PRDM1: variants seen among roughly 807,000 people sequenced by gnomAD.
PRDM1 encodes PR domain zinc finger protein 1.
A neutral mutation model predicts 62.8 loss-of-function variants in PRDM1; 13 were observed. The ratio of observed to expected loss-of-function variants is 0.21; its 90% CI spans 0.13 to 0.33. PRDM1 has a LOEUF of 0.33. Ranked by LOEUF, PRDM1 falls within the 10% of genes least tolerant of loss-of-function variation. The pLI, the probability that PRDM1 is intolerant of heterozygous loss-of-function variation, is 1.00. For synonymous variants in PRDM1, 396 were observed against 417.6 expected (o/e 0.95, Z 0.63); for missense variants, 895 against 1,058.8 (o/e 0.85, Z 2.15).
chr6:106,104,392 G>T (rs2114648800), intron 4 of PRDM1, among the ~76,000 whole-genome samples: 1 of 152,164 alleles, frequency 6.6e-6, no homozygotes, highest in East Asian at 1.9e-4. Flanking sequence ...TGTATTTTTA[G>T]TAGAGATGGG....
chr6:105,998,458 TTCTGTC>T (rs1393618475), intron 1 of PRDM1, among the ~76,000 whole-genome samples: 1 of 152,204 alleles, frequency 6.6e-6, no homozygotes, highest in Non-Finnish European at 1.5e-5. Flanking sequence ...CATTTGACAT[TTCTGTC>T]TCTAACATAA....
upstream of PRDM1, among the ~76,000 whole-genome samples, chr6:106,043,849 T>G (rs1051324254): frequency 1.3e-5 from 2 of 152,224 alleles, no homozygotes; most frequent in African/African-American, 4.8e-5. Flanking sequence ...TTTAATATTT[T>G]TAATCGAATT....
In PRDM1 at chr6:106,106,902, A is replaced by G; in HGVS notation, c.1903-9A>G. 6.2e-7 allele frequency: 1 copy of G among 1,608,360 alleles called. No homozygotes were observed. Among genetic ancestry groups the G allele is most frequent in the Admixed American group, 1.7e-5 (1 of 59,904 alleles). On this transcript the variant is annotated splice_polypyrimidine_tract_variant and intron_variant, in intron 6 of 6. Coordinates refer to ENST00000369096, the MANE Select transcript of PRDM1 (RefSeq NM_001198.4). The surrounding 1 kb of genome is among the most constrained non-coding windows in gnomAD (Gnocchi z 4.4). ...CCCTTCCCTGCTGTCTCTCTCCCCT[A>G]CACTGTAGGTCTGCCACAAGAGATT...
upstream of PRDM1, among the ~76,000 whole-genome samples, chr6:106,081,575 T>C (rs1582455103): frequency 6.6e-6 from 1 of 152,202 alleles, no homozygotes; most frequent in South Asian, 2.1e-4. Context: ...GATTGGATAC[T>C]AAATCCCCTT....
At chr6:106,045,918 TA>T (rs1253716522), upstream of PRDM1, 2 of 152,124 alleles carry the variant, frequency 1.3e-5, no homozygotes, top group Non-Finnish European at 2.9e-5. Context: ...GTTCATGAGA[TA>T]GATGCAGAGC....
intron 1 of PRDM1, among the ~76,000 whole-genome samples, chr6:106,042,018 G>T (rs950935109): frequency 6.6e-6 from 1 of 150,784 alleles, no homozygotes; most frequent in African/African-American, 2.4e-5. Context: ...ATATTTCCCA[G>T]GCTGATCACA....
intron 1 of PRDM1, among the ~76,000 whole-genome samples, chr6:106,021,554 T>C (rs996826751): frequency 1.3e-5 from 2 of 152,240 alleles, no homozygotes; most frequent in Non-Finnish European, 2.9e-5. Context: ...AACATAATGA[T>C]GGCAATGCAG....
chr6:105,994,592 G>C lies in PRDM1; in HGVS notation c.-67+953G>C, dbSNP rs771646812. Among the ~76,000 whole-genome samples the C allele has an allele frequency of 6.6e-6, 1 of 152,188 alleles. No individual in the cohort carries two copies. The highest frequency in any genetic ancestry group is 1.5e-5 in the Non-Finnish European group (1 of 68,024). ...CATTTGGACGAGGTGAGGAGAACTA[G>C]GGTCCTAACAGCAGGTCCAGAGGAC... On this transcript the variant is annotated intron_variant, in intron 1 of 6. Transcript: ENST00000652320. The surrounding 1 kb of genome is among the most constrained non-coding windows in gnomAD (Gnocchi z 4.1).
chr6:106,016,858 T>C (rs1772628508), intron 1 of PRDM1, among the ~76,000 whole-genome samples: 1 of 152,040 alleles, frequency 6.6e-6, no homozygotes, highest in African/African-American at 2.4e-5. Context: ...TTCAACACGC[T>C]GGCCACGATG....
rs576525982 is a variant in PRDM1 at position 106,016,577 on chromosome 6, T to G, written c.-67+22938T>G. 2.6e-5 allele frequency among the ~76,000 whole-genome samples: 4 copies of G among 152,176 alleles called. No homozygotes were observed. The South Asian group carries it at 8.3e-4, about 31-fold the overall frequency. Reference sequence around the variant, plus strand: ...TATTTCATAAAGGACAAAAGAAGATTTGAAAAGTTTATTCTTGAACAAGGG... The same window carrying G: ...TATTTCATAAAGGACAAAAGAAGATGTGAAAAGTTTATTCTTGAACAAGGG... On this transcript the variant is annotated intron_variant, in intron 1 of 6. Transcript: ENST00000652320.
chr6:106,015,574 G>C (rs1459579361), intron 1 of PRDM1, among the ~76,000 whole-genome samples: 3 of 150,160 alleles, frequency 2.0e-5, no homozygotes, highest in Non-Finnish European at 4.4e-5. Flanking sequence ...ATGGTCTCTG[G>C]TGGACAGGTG....
chr6:105,999,600 A>AC (rs958840228), intron 1 of PRDM1, among the ~76,000 whole-genome samples: 4 of 152,110 alleles, frequency 2.6e-5, no homozygotes, highest in African/African-American at 9.7e-5. Flanking sequence ...GCTCAGGTGT[A>AC]CCTAAGCTAC....
At chr6:106,043,835 A>G (rs933754109), upstream of PRDM1, among the ~76,000 whole-genome samples, 1 of 152,184 alleles carries the variant, frequency 6.6e-6, no homozygotes, top group African/African-American at 2.4e-5. Flanking sequence ...CATCTGGCCC[A>G]GATTTTAATA....
intron 1 of PRDM1, among the ~76,000 whole-genome samples, chr6:106,056,872 TG>T (rs1458142130): frequency 6.4e-5 from 2 of 31,016 alleles, no homozygotes; most frequent in African/African-American, 2.5e-4. Flanking sequence ...GTTTGTTATT[TG>T]GCTTGGGAAG....
chr6:106,064,444 C>G (rs915186730), intron 1 of PRDM1, among the ~76,000 whole-genome samples: 1 of 152,228 alleles, frequency 6.6e-6, no homozygotes, highest in South Asian at 2.1e-4. Context: ...AGTAAAAGAG[C>G]CTTGAAGAGG....
intron 1 of PRDM1, among the ~76,000 whole-genome samples, chr6:106,037,427 C>A (rs1461236058): frequency 1.3e-5 from 2 of 152,108 alleles, no homozygotes; most frequent in Admixed American, 6.6e-5. Flanking sequence ...CCACTGTTTC[C>A]TCAGATAATC....
chr6:106,086,187 G>C (rs1773796236), upstream of PRDM1: 1 of 310,862 alleles, frequency 3.2e-6, no homozygotes, highest in Non-Finnish European at 5.9e-6. Flanking sequence ...ATACACATGC[G>C]AAGAGAGGAA....
intron 1 of PRDM1, among the ~76,000 whole-genome samples, chr6:106,023,703 T>C (rs1362514209): frequency 6.6e-6 from 1 of 152,198 alleles, no homozygotes; most frequent in African/African-American, 2.4e-5. Flanking sequence ...CTGGATACTG[T>C]TCGCATGCAA....
At position 106,106,559 on chromosome 6, in the gene PRDM1, C is replaced by G. The variant is rs987019430; in HGVS notation, c.1902+60C>G. 1 of 1,601,178 alleles carries G rather than the reference C, an allele frequency of 6.2e-7. No individual in the cohort carries two copies. Among genetic ancestry groups the G allele is most frequent in the Non-Finnish European group, 8.5e-7 (1 of 1,173,402 alleles). ...TTGTAGAAAATGTCTGTGAGTCACC[C>G]TCCCATGTCCTATATAGCCCGTAGT... On this transcript the variant is annotated intron_variant, in intron 6 of 6. Coordinates refer to ENST00000369096, the MANE Select transcript of PRDM1 (RefSeq NM_001198.4). This position sits in a 1 kb window ranked among gnomAD's most constrained non-coding sequence, Gnocchi z 4.4.
Sources: gnomAD v4.1 joint callset for allele counts (sites outside exome capture counted in the v4.1 genomes callset) on GRCh38, gnomAD v4.1.1 for gene constraint, Gnocchi (gnomAD v3.1) non-coding constraint, MANE v1.5 for transcripts, NCBI Gene and HGNC (gene_info 2026-07-23, HGNC 2026-07-21) for gene names.